XG: variants seen among roughly 807,000 people sequenced by gnomAD.
XG encodes glycoprotein Xg.
XG carries 24 observed loss-of-function variants against 25.7 expected under a neutral mutation model. The ratio of observed to expected loss-of-function variants is 0.93; its 90% CI spans 0.68 to 1.31. The LOEUF is 1.31. XG is among the 40% of genes most tolerant of loss of function. XG has a pLI of 0.00. For synonymous variants in XG, 77 were observed against 69.2 expected (o/e 1.11, Z -0.56); for missense variants, 181 against 187.6 (o/e 0.96, Z 0.21).
At chrX:2,797,030 G>A (rs756466539) in intron 6 of XG, among the ~76,000 whole-genome samples, 20 of 111,841 alleles carry the variant, frequency 1.8e-4, no homozygotes, top group South Asian at 1.1e-3. Context: ...GTGCGCCTGC[G>A]TGAATTTGGA....
intron 8 of XG, among the ~76,000 whole-genome samples, chrX:2,807,519 GGT>G (rs2087012697): frequency 1.7e-4 from 1 of 5,980 alleles, no homozygotes; most frequent in African/African-American, 2.1e-4. Context: ...TGCACACATC[GGT>G]GTGTGCATGT....
chrX:2,760,163 G>C (rs1033023369), intron 1 of XG, among the ~76,000 whole-genome samples: 4 of 151,902 alleles, frequency 2.6e-5, no homozygotes, highest in Non-Finnish European at 5.9e-5. Context: ...CTGGGCAACA[G>C]AGCGAGACTC....
intron 1 of XG, among the ~76,000 whole-genome samples, chrX:2,766,574 T>C (rs1426990070): frequency 6.8e-6 from 1 of 147,046 alleles, no homozygotes; most frequent in Non-Finnish European, 1.5e-5. Context: ...TTTTTTTTTT[T>C]TTTTTTTCAA....
chrX:2,791,543 T>C (rs1425130750), intron 5 of XG, among the ~76,000 whole-genome samples: 2 of 105,285 alleles, frequency 1.9e-5, no homozygotes, highest in Non-Finnish European at 2.0e-5. Flanking sequence ...CACAGCGTTG[T>C]ATCCTAGACT....
At chrX:2,813,974 G>A (rs2147100228) in intron 10 of XG, among the ~76,000 whole-genome samples, 1 of 112,184 alleles carries the variant, frequency 8.9e-6, no homozygotes, top group Non-Finnish European at 1.9e-5. Context: ...CTGCTTTATT[G>A]AGGTATAGTT....
At chrX:2,800,124 C>G (rs760134818) in intron 7 of XG, among the ~76,000 whole-genome samples, 1 of 111,450 alleles carries the variant, frequency 9.0e-6, no homozygotes, top group East Asian at 2.8e-4. Context: ...AATGTGGGCT[C>G]AGAGCATGGC....
At chrX:2,764,108 T>C (rs311128) in intron 1 of XG, among the ~76,000 whole-genome samples, 146,485 of 152,270 alleles carry the variant, frequency 0.96, 70,514 homozygotes, top group East Asian at 1. Flanking sequence ...AAGATGGCGA[T>C]GAGAGTGACC....
intron 6 of XG, 92 bp downstream of exon 6, chrX:2,794,695 T>C: frequency 9.8e-7 from 1 of 1,023,765 alleles, no homozygotes; most frequent in Non-Finnish European, 1.3e-6. Flanking sequence ...AGAGCTGAGG[T>C]TGGGGCAGAG....
chrX:2,757,971 CAAAA>C (rs59540338), intron 1 of XG, among the ~76,000 whole-genome samples: 13 of 88,670 alleles, frequency 1.5e-4, no homozygotes, highest in East Asian at 3.8e-4. Flanking sequence ...GACTCCATCT[CAAAA>C]AAAAAAAAAA....
At chrX:2,793,487 T>A (rs146775900) in intron 5 of XG, among the ~76,000 whole-genome samples, 249 of 111,784 alleles carry the variant, frequency 2.2e-3, no homozygotes, top group Non-Finnish European at 3.9e-3. Flanking sequence ...GCAAAGGACA[T>A]CTTAGGAAAT....
chrX:2,794,218 A>G (rs2086862114), intron 5 of XG, among the ~76,000 whole-genome samples: 1 of 111,752 alleles, frequency 8.9e-6, no homozygotes, highest in African/African-American at 3.2e-5. Flanking sequence ...GGATCCAGGC[A>G]GCAGGCAGAC....
chrX:2,756,599 TAA>T (rs1030546537), intron 1 of XG, among the ~76,000 whole-genome samples: 1 of 86,700 alleles, frequency 1.2e-5, no homozygotes, highest in African/African-American at 4.9e-5. Flanking sequence ...AAAAATAAAT[TAA>T]AAGAAAAGGA....
intron 6 of XG, among the ~76,000 whole-genome samples, chrX:2,797,017 C>A (rs2086891844): frequency 8.9e-6 from 1 of 111,778 alleles, no homozygotes; most frequent in African/African-American, 3.2e-5. Flanking sequence ...CGGCAGGAAG[C>A]GGGTGCGCCT....
At chrX:2,810,654 C>T (rs1603458021) in intron 9 of XG, among the ~76,000 whole-genome samples, 1 of 110,827 alleles carries the variant, frequency 9.0e-6, no homozygotes, top group East Asian at 2.8e-4. Flanking sequence ...GGTGGCTCCC[C>T]TCTGTAATCC....
chrX:2,781,026 T>C (rs2051108116), intron 3 of XG, among the ~76,000 whole-genome samples: 1 of 151,872 alleles, frequency 6.6e-6, no homozygotes, highest in African/African-American at 2.4e-5. Context: ...CTTCACAGTG[T>C]ATGAGTGAGA....
At chrX:2,761,757 C>T (rs1839567904) in intron 1 of XG, among the ~76,000 whole-genome samples, 2 of 152,072 alleles carry the variant, frequency 1.3e-5, no homozygotes, top group Non-Finnish European at 2.9e-5. Flanking sequence ...GGGATGACCA[C>T]GTGGGGACTC....
chrX:2,807,968 A>G (rs1211021290), intron 8 of XG, among the ~76,000 whole-genome samples: 5 of 111,385 alleles, frequency 4.5e-5, no homozygotes, highest in Non-Finnish European at 7.5e-5. Flanking sequence ...CCCTGGTATT[A>G]TCCCCATTCT....
intron 10 of XG, among the ~76,000 whole-genome samples, chrX:2,812,650 G>A (rs1489087550): frequency 1.8e-5 from 2 of 111,705 alleles, no homozygotes; most frequent in Non-Finnish European, 3.8e-5. Flanking sequence ...CTCCGTTTGG[G>A]GTGAGCCTCC....
chrX:2,789,813 CTA>C, intron 5 of XG, 107 bp downstream of exon 5: 1 of 358,667 alleles, frequency 2.8e-6, no homozygotes, highest in African/African-American at 2.7e-5. Context: ...TTATTTGATT[CTA>C]TGTTATTTTA....
Sources: gnomAD v4.1 joint callset for allele counts (sites outside exome capture counted in the v4.1 genomes callset) on GRCh38, gnomAD v4.1.1 for gene constraint, MANE v1.5 for transcripts, NCBI Gene and HGNC (gene_info 2026-07-23, HGNC 2026-07-21) for gene names.